Variants in NUP155 observed in about 807,000 individuals in gnomAD.
NUP155 encodes nucleoporin 155.
Under a neutral mutation model 180.4 loss-of-function variants are expected in NUP155, and 71 were observed. The ratio of observed to expected loss-of-function variants is 0.39; its 90% CI spans 0.33 to 0.48. The LOEUF (loss-of-function observed/expected upper bound fraction) is 0.48. NUP155 is among the 20% of genes least tolerant of loss of function. NUP155 has a pLI of 0.91. For missense variants in NUP155, 1,553 were observed against 1,648.9 expected (o/e 0.94, Z 1.01); for synonymous variants, 582 against 559.5 (o/e 1.04, Z -0.57).
Position 37,302,846 on chromosome 5 carries a change from C to G in NUP155, c.3380G>C (p.Ser1127Thr). The change falls in exon 29 of 35, where the codon AGT (serine) becomes ACT (threonine). Residue 1127 changes from serine (S) to threonine (T), a missense_variant. Ser to Thr is a moderately conservative substitution (Grantham distance 58). Coordinates refer to ENST00000231498, the MANE Select transcript of NUP155 (RefSeq NM_153485.3). ...YIARAILSAK[S>T]STAISSIAAD... ...AGCTATTGATGAAATGGCAGTGGAA[C>G]TTTTGGCACTAAGAATGGCTCGAGC... 1 of 1,613,798 alleles carries G rather than the reference C, an allele frequency of 6.2e-7. No homozygotes were observed.
intron 21 of NUP155, among the ~76,000 whole-genome samples, chr5:37,317,176 T>A (rs560055582): frequency 4.0e-4 from 54 of 136,414 alleles, no homozygotes; most frequent in East Asian, 6.9e-4. Flanking sequence ...CTCAAAAAAA[T>A]AAATAAATAA....
intron 27 of NUP155, 97 bp from the exon 28 acceptor site, chr5:37,303,511 T>C (rs2150943131): frequency 9.6e-7 from 1 of 1,043,348 alleles, no homozygotes; most frequent in East Asian, 2.5e-5. Flanking sequence ...ACTACAACTT[T>C]GCCTTGTTTT....
At chr5:37,331,642 T>G (rs748701642) in intron 14 of NUP155, 43 bp downstream of exon 14, 8 of 1,077,750 alleles carry the variant, frequency 7.4e-6, no homozygotes, top group South Asian at 3.8e-5. Context: ...TCCCACTGTT[T>G]GTTTAAAATA....
At chr5:37,366,287 T>C (rs1023345190) in intron 1 of NUP155, among the ~76,000 whole-genome samples, 3 of 152,150 alleles carry the variant, frequency 2.0e-5, no homozygotes, top group Admixed American at 6.5e-5. Flanking sequence ...AAAACTGACA[T>C]ATAAAACAAT....
rs995387885 is a variant in NUP155 at position 37,351,613 on chromosome 5, AT to A, written c.557-258del. On this transcript the variant is annotated intron_variant, in intron 5 of 34. Transcript: ENST00000231498. ...AGGCGCCCGCCACCATGCCCAGCTA[AT>A]TTTTTTTTGTATTTTTAGTAGAGGC... 8.0e-5 allele frequency among the ~76,000 whole-genome samples: 12 copies of A among 150,182 alleles called. No homozygotes were observed. In the East Asian group the frequency reaches 2.2e-3, roughly 27 times the overall value.
intron 7 of NUP155, among the ~76,000 whole-genome samples, chr5:37,349,807 A>G (rs1746343102): frequency 6.6e-6 from 1 of 152,154 alleles, no homozygotes; most frequent in Non-Finnish European, 1.5e-5. Flanking sequence ...AAGCTAAGAT[A>G]TATTCTTTTT....
rs1742249637 is a variant in NUP155, at chr5:37,291,887, T to A, written c.*13A>T. On this transcript the variant is annotated 3_prime_UTR_variant, in exon 35 of 35. Coordinates refer to ENST00000231498, the MANE Select transcript of NUP155 (RefSeq NM_153485.3). ...TTACAGATCATAAAACGGATGAAAG[T>A]ATATCACAGTAATTAATGAAGCCGT... The A allele has an allele frequency of 3.1e-6, 5 of 1,612,754 alleles. No homozygotes were observed. The Admixed American group carries it at 5.0e-5, about 16-fold the overall frequency.
At chr5:37,341,532 G>GTTTTAT (rs775649287) in intron 10 of NUP155, among the ~76,000 whole-genome samples, 7 of 151,496 alleles carry the variant, frequency 4.6e-5, no homozygotes, top group Non-Finnish European at 8.8e-5. Context: ...CGTCTAATTT[G>GTTTTAT]TTTTATTTTT....
chr5:37,355,917 C>T (rs1746792677), intron 4 of NUP155, among the ~76,000 whole-genome samples: 1 of 151,730 alleles, frequency 6.6e-6, no homozygotes, highest in Admixed American at 6.6e-5. Context: ...ATTCTCCTTC[C>T]TAGTAACTCT....
At position 37,349,253 on chromosome 5, in the gene NUP155, T is replaced by TA; in HGVS notation, c.830-9dup. 2 of 750,684 alleles carry TA rather than the reference T, an allele frequency of 2.7e-6. No homozygotes were observed. The highest frequency in any genetic ancestry group is 3.4e-5 in the Admixed American group (1 of 29,592). The allele number at this position is 750,684 out of a possible 1,614,324, so 46.5% of individuals were successfully genotyped here. On this transcript the variant is annotated splice_polypyrimidine_tract_variant and intron_variant, in intron 7 of 34. Coordinates refer to ENST00000231498, the MANE Select transcript of NUP155 (RefSeq NM_153485.3). Reference sequence around the variant, plus strand: ...CAATTTGAAGAATAGGATCTAAAAGTAAGACAAAAAAAAAAAAGAGAAAAA... The same window carrying TA: ...CAATTTGAAGAATAGGATCTAAAAGTAAAGACAAAAAAAAAAAAGAGAAAAA...
In NUP155 at chr5:37,364,643, T is replaced by TA. The variant is rs199951240; in HGVS notation, c.158-260_158-259insT. On this transcript the variant is annotated intron_variant, in intron 1 of 34. Transcript: ENST00000231498. ...AAGGAAATGTTTATTTTATTTTATT[T>TA]TTTTTTTTTTTGAGATAGAGTCTCG... Among the ~76,000 whole-genome samples the TA allele has an allele frequency of 2.6e-4, 13 of 50,032 alleles. No individual in the cohort carries two copies. In the East Asian group the frequency reaches 3.7e-3, roughly 14 times the overall value. 32.8% of individuals were successfully genotyped at this position (50,032 alleles called of 152,430 possible). A position where few individuals can be genotyped will look rare whatever the true frequency, so the allele number is the denominator to read the frequency against.
chr5:37,298,086 A>C (rs1409009610), intron 32 of NUP155, among the ~76,000 whole-genome samples: 1 of 152,070 alleles, frequency 6.6e-6, no homozygotes, highest in South Asian at 2.1e-4. Context: ...AAAAATACAG[A>C]AAATTAGCCA....
chr5:37,299,474 G>C lies in NUP155; in HGVS notation c.3656C>G (p.Thr1219Arg). 1 of 1,614,062 alleles carries C rather than the reference G, an allele frequency of 6.2e-7. No individual in the cohort carries two copies. The highest frequency in any genetic ancestry group is 8.5e-7 in the Non-Finnish European group (1 of 1,179,988). The change falls in exon 31 of 35, where the codon ACA becomes AGA. Residue 1219 changes from threonine (T) to arginine (R), a missense_variant. By Grantham distance (71) the Thr-to-Arg change is moderately conservative (BLOSUM62 -1). Coordinates refer to ENST00000231498, the MANE Select transcript of NUP155 (RefSeq NM_153485.3). ...AGYSDPILVQ[T>R]LWQDIIEKEL... ...TTTCTCTATGATATCTTGCCAAAGT[G>C]TCTGCACCAATATAGGGTCTGAATA...
At chr5:37,315,570 T>C (rs1445949764) in intron 21 of NUP155, among the ~76,000 whole-genome samples, 1 of 143,898 alleles carries the variant, frequency 6.9e-6, no homozygotes, top group Admixed American at 6.7e-5. Flanking sequence ...TGGCTATATA[T>C]AAAAGGACAG....
chr5:37,340,048 T>C (rs111375958), intron 11 of NUP155, among the ~76,000 whole-genome samples: 1 of 152,058 alleles, frequency 6.6e-6, no homozygotes, highest in Admixed American at 6.6e-5. Flanking sequence ...CGTGAGCCAC[T>C]GCACCCGGCC....
At chr5:37,326,395 T>C (rs1744602454) in intron 18 of NUP155, among the ~76,000 whole-genome samples, 1 of 152,206 alleles carries the variant, frequency 6.6e-6, no homozygotes. Context: ...CTATCCCCTC[T>C]GCAGTATGAT....
chr5:37,329,956 G>A lies in NUP155; in HGVS notation c.1724+82C>T. On this transcript the variant is annotated intron_variant, in intron 15 of 34. Coordinates refer to ENST00000231498, the MANE Select transcript of NUP155 (RefSeq NM_153485.3). Reference sequence around the variant, plus strand: ...ACATAGTCACTCAACTGTTTGGCAAGGCTTTATCACATTGATAAAATCATT... The same window carrying A: ...ACATAGTCACTCAACTGTTTGGCAAAGCTTTATCACATTGATAAAATCATT... The A allele has an allele frequency of 5.0e-6, 5 of 993,482 alleles. No homozygotes were observed. The South Asian group carries it at 6.9e-5, about 14-fold the overall frequency. 61.5% of individuals were successfully genotyped at this position (993,482 alleles called of 1,614,324 possible).
Position 37,304,841 on chromosome 5 carries a change from A to G in NUP155, c.3060T>C (p.Phe1020=). 6.2e-7 allele frequency: 1 copy of G among 1,612,574 alleles called. No homozygotes were observed. The highest frequency in any genetic ancestry group is 8.5e-7 in the Non-Finnish European group (1 of 1,178,642). The change falls in exon 27 of 35, where the codon TTT becomes TTC. Residue 1020 remains phenylalanine (F), a splice_region_variant and synonymous_variant. Coordinates refer to ENST00000231498, the MANE Select transcript of NUP155 (RefSeq NM_153485.3). ...MLSNEEAGHH[F]EQMLKLSQRS... is the part of the protein sequence containing the mutation. ...GCTGTGACAATTTAAGCATTTGTTC[A>G]AACTAAAATAAAGAAAATAGTAAAA... is the stretch of plus-strand genomic sequence containing the variant.
At chr5:37,305,477 T>G (rs1363983578) in intron 25 of NUP155, among the ~76,000 whole-genome samples, 1 of 152,074 alleles carries the variant, frequency 6.6e-6, no homozygotes, top group Non-Finnish European at 1.5e-5. Context: ...AGGTCACGAA[T>G]TTGAGACCAG....
Sources: allele counts gnomAD v4.1 joint callset (sites outside exome capture counted in the v4.1 genomes callset), GRCh38; gene constraint gnomAD v4.1.1; transcripts MANE v1.5; gene names NCBI Gene and HGNC (gene_info 2026-07-23, HGNC 2026-07-21).